INPP4B: variants seen among roughly 807,000 people sequenced by gnomAD.
INPP4B encodes the protein inositol polyphosphate 4-phosphatase type II.
A neutral mutation model predicts 122.5 loss-of-function variants in INPP4B; 55 were observed. That is an observed-to-expected ratio of 0.45 (90% confidence interval 0.36 to 0.56). INPP4B has a LOEUF of 0.56. Among genes scored for constraint, INPP4B ranks in the 20% least tolerant of loss-of-function variants. The pLI is 0.00. For missense variants in INPP4B, 1,000 were observed against 1,097.7 expected, an observed-to-expected ratio of 0.91 and a Z score of 1.26; for synonymous variants, 403 against 388.7, an observed-to-expected ratio of 1.04 and a Z score of -0.43.
chr4:142,440,637 C>G (rs1244196244), intron 3 of INPP4B, among the ~76,000 whole-genome samples: 2 of 152,120 alleles, frequency 1.3e-5, no homozygotes, highest in Non-Finnish European at 2.9e-5. Flanking sequence ...ACCCCCTGCC[C>G]GTCATTCACT....
intron 2 of INPP4B, among the ~76,000 whole-genome samples, chr4:142,681,592 G>A (rs1320326260): frequency 6.6e-6 from 1 of 151,644 alleles, no homozygotes; most frequent in Admixed American, 6.6e-5. Context: ...TGATAGAAGA[G>A]GAAGGGAGAG....
intron 22 of INPP4B, among the ~76,000 whole-genome samples, chr4:142,108,502 C>T (rs567902790): frequency 1.3e-5 from 2 of 152,284 alleles, no homozygotes; most frequent in Admixed American, 6.5e-5. Context: ...TCCTACTCCA[C>T]ACCTCTGTGG....
chr4:142,659,141 T>C (rs1159543604), intron 2 of INPP4B, among the ~76,000 whole-genome samples: 3 of 151,836 alleles, frequency 2.0e-5, no homozygotes, highest in Non-Finnish European at 4.4e-5. Context: ...GGTTCACACC[T>C]ATAATCCCAG....
chr4:142,040,413 C>A (rs1366744870), intron 25 of INPP4B, among the ~76,000 whole-genome samples: 1 of 152,132 alleles, frequency 6.6e-6, no homozygotes, highest in Non-Finnish European at 1.5e-5. Context: ...ATGACTGATA[C>A]AGAAAAGTCT....
intron 17 of INPP4B, among the ~76,000 whole-genome samples, chr4:142,149,351 A>G (rs529968870): frequency 1.3e-5 from 2 of 152,330 alleles, no homozygotes; most frequent in South Asian, 2.1e-4. Flanking sequence ...TTAATGTTCA[A>G]AAGCCACCAG....
At chr4:142,421,535 T>C (rs532009339) in intron 5 of INPP4B, among the ~76,000 whole-genome samples, 1 of 152,258 alleles carries the variant, frequency 6.6e-6, no homozygotes, top group Non-Finnish European at 1.5e-5. Context: ...AATGAGTCTC[T>C]GATATACATG....
intron 2 of INPP4B, among the ~76,000 whole-genome samples, chr4:142,637,101 G>T (rs1327416762): frequency 6.6e-6 from 1 of 152,112 alleles, no homozygotes; most frequent in East Asian, 1.9e-4. Context: ...GAGTTCCCAT[G>T]AACCATCCCT....
intron 17 of INPP4B, among the ~76,000 whole-genome samples, chr4:142,148,521 T>C (rs932014009): frequency 1.3e-5 from 2 of 152,220 alleles, no homozygotes; most frequent in Admixed American, 6.5e-5. Context: ...AAGGGAACTT[T>C]ATATTTTGAT....
At chr4:142,493,856 G>T (rs1027456655) in intron 2 of INPP4B, among the ~76,000 whole-genome samples, 2 of 152,018 alleles carry the variant, frequency 1.3e-5, no homozygotes, top group Admixed American at 1.3e-4. Flanking sequence ...GAACTGGGAG[G>T]GACCAGGGGG....
chr4:142,729,975 C>T (rs907977628), intron 1 of INPP4B, among the ~76,000 whole-genome samples: 51 of 4,842 alleles, frequency 0.011, no homozygotes, highest in Admixed American at 0.067. Context: ...ACTGTCTCCA[C>T]TAAACCTCAA....
intron 1 of INPP4B, among the ~76,000 whole-genome samples, chr4:142,798,332 T>C (rs1485444192): frequency 1.3e-5 from 2 of 151,826 alleles, no homozygotes; most frequent in African/African-American, 2.4e-5. Context: ...AAGTGGGTAA[T>C]TGGGCCCATG....
chr4:142,360,210 C>A (rs1684421021), intron 7 of INPP4B, among the ~76,000 whole-genome samples: 1 of 151,914 alleles, frequency 6.6e-6, no homozygotes, highest in Non-Finnish European at 1.5e-5. Context: ...AATACACACA[C>A]AACCAGTAAT....
intron 2 of INPP4B, among the ~76,000 whole-genome samples, chr4:142,705,129 G>C (rs1560980030): frequency 6.6e-6 from 1 of 151,732 alleles, no homozygotes; most frequent in Non-Finnish European, 1.5e-5. Flanking sequence ...TTAAACTACT[G>C]CTCCTTCCTG....
intron 25 of INPP4B, among the ~76,000 whole-genome samples, chr4:142,037,381 C>T (rs1744638576): frequency 2.0e-5 from 3 of 152,162 alleles, no homozygotes; most frequent in Admixed American, 2.0e-4. Flanking sequence ...ACACCCATCA[C>T]AGATACTCTC....
chr4:142,086,354 C>T, intron 23 of INPP4B, 98 bp from the exon 24 acceptor site: 1 of 700,982 alleles, frequency 1.4e-6, no homozygotes, highest in Non-Finnish European at 2.4e-6. Context: ...GCAAACACAA[C>T]TTTTCTTTTA....
intron 14 of INPP4B, among the ~76,000 whole-genome samples, chr4:142,203,729 A>G (rs1169514949): frequency 2.6e-5 from 4 of 152,106 alleles, no homozygotes; most frequent in Admixed American, 6.6e-5. Context: ...CAAGAGCTAC[A>G]TATTAGCCTT....
chr4:142,724,969 A>G (rs1765151306), intron 2 of INPP4B, among the ~76,000 whole-genome samples: 1 of 152,132 alleles, frequency 6.6e-6, no homozygotes, highest in Non-Finnish European at 1.5e-5. Flanking sequence ...TATACTATAT[A>G]TGTTCATGAA....
At chr4:142,773,944 A>C (rs1381396011) in intron 1 of INPP4B, among the ~76,000 whole-genome samples, 1 of 151,714 alleles carries the variant, frequency 6.6e-6, no homozygotes, top group Non-Finnish European at 1.5e-5. Context: ...CTCAAGCATC[A>C]TTTTACCAGA....
chr4:142,469,225 A>G (rs560111374), intron 2 of INPP4B, among the ~76,000 whole-genome samples: 1 of 152,210 alleles, frequency 6.6e-6, no homozygotes, highest in South Asian at 2.1e-4. Context: ...TCTATATAAT[A>G]GCAAAAAATA....
Sources: gnomAD v4.1 joint callset for allele counts (sites outside exome capture counted in the v4.1 genomes callset) on GRCh38, gnomAD v4.1.1 for gene constraint, MANE v1.5 for transcripts, NCBI Gene and HGNC (gene_info 2026-07-23, HGNC 2026-07-21) for gene names.